Variants in SVEP1 observed in about 807,000 individuals in gnomAD.
SVEP1 encodes the protein sushi, von Willebrand factor type A, EGF and pentraxin domain-containing protein 1.
A neutral mutation model predicts 367.3 loss-of-function variants in SVEP1; 164 were observed. The ratio of observed to expected loss-of-function variants is 0.45; its 90% CI spans 0.39 to 0.51. The LOEUF (loss-of-function observed/expected upper bound fraction) is 0.51. Among genes scored for constraint, SVEP1 ranks in the 20% least tolerant of loss-of-function variants. The pLI, the probability that SVEP1 is intolerant of heterozygous loss-of-function variation, is 0.00. For missense variants in SVEP1, 4,117 were observed against 4,425.3 expected, an observed-to-expected ratio of 0.93 and a Z score of 1.98; for synonymous variants, 1,666 against 1,611.6, an observed-to-expected ratio of 1.03 and a Z score of -0.81.
At chr9:110,393,785 T>C (rs1047320565) in intron 40 of SVEP1, among the ~76,000 whole-genome samples, 3 of 152,144 alleles carry the variant, frequency 2.0e-5, no homozygotes, top group African/African-American at 7.2e-5. Context: ...GACATCAAAC[T>C]GCAAGGCAGC....
At chr9:110,544,623 T>C (rs1255557427) in intron 3 of SVEP1, among the ~76,000 whole-genome samples, 2 of 84,484 alleles carry the variant, frequency 2.4e-5, no homozygotes, top group African/African-American at 6.8e-5. Context: ...ATAAATCCCA[T>C]TCATTATTAT....
chr9:110,375,490 AGG>A (rs1158301105), intron 45 of SVEP1, 27 bp from the exon 46 acceptor site: 21 of 1,338,734 alleles, frequency 1.6e-5, no homozygotes, highest in African/African-American at 6.4e-5. Flanking sequence ...AAAAAAAAAA[AGG>A]AGGCAGGGGG....
intron 40 of SVEP1, among the ~76,000 whole-genome samples, chr9:110,394,832 C>G (rs998155766): frequency 3.9e-5 from 6 of 152,088 alleles, no homozygotes; most frequent in Non-Finnish European, 8.8e-5. Context: ...AACAAAGCCT[C>G]CAAGAAATAT....
intron 45 of SVEP1, 77 bp downstream of exon 45, chr9:110,377,186 ACAACCATT>A: frequency 8.0e-7 from 1 of 1,252,994 alleles, no homozygotes; most frequent in Non-Finnish European, 1.1e-6. Flanking sequence ...TCCCAACAGT[ACAACCATT>A]TCCTGGTAAC....
At chr9:110,406,027 G>A (rs1009444475) in intron 38 of SVEP1, 133 bp downstream of exon 38, 48 of 1,149,066 alleles carry the variant, frequency 4.2e-5, no homozygotes, top group Non-Finnish European at 5.5e-5. Context: ...AAAGCCAAGT[G>A]TTAAAAGCAC....
At chr9:110,428,399 AAC>A (rs113743775) in intron 35 of SVEP1, among the ~76,000 whole-genome samples, 41 of 120,176 alleles carry the variant, frequency 3.4e-4, no homozygotes, top group Middle Eastern at 4.4e-3. Flanking sequence ...CCTCTGTTTA[AAC>A]ACACACACAC....
intron 25 of SVEP1, among the ~76,000 whole-genome samples, chr9:110,446,329 T>C (rs377443632): frequency 6.6e-6 from 1 of 152,166 alleles, no homozygotes; most frequent in East Asian, 1.9e-4. Flanking sequence ...CAGGAGATAC[T>C]AAAGCATGTC....
intron 18 of SVEP1, among the ~76,000 whole-genome samples, chr9:110,462,568 TAC>T (rs1828873211): frequency 1.3e-5 from 2 of 150,276 alleles, no homozygotes; most frequent in Admixed American, 1.3e-4. Flanking sequence ...CATGTACATG[TAC>T]ACACACACAT....
In SVEP1 at chr9:110,408,759, C is replaced by T. The variant is rs749125952; in HGVS notation, c.6841G>A (p.Glu2281Lys). The stretch of plus-strand genomic sequence containing the variant: ...AAAAACTGAACCTTGGACCCTACTT[C>T]AAAGTTTTCTCCTTTCATGAAGCCA... ...QNGFMKGENF[E>K]VGSKVQFFCN... Residue 2281 changes from glutamate to lysine, a missense_variant, in exon 38 of 48, where the codon GAA (glutamate) becomes AAA (lysine). Around this residue, in one of 4 missense-constraint regions of SVEP1, gnomAD observed 1,765 missense variants for 1,781.1 expected, o/e 0.99. Transcript: ENST00000374469. 10 of 1,613,586 alleles carry T rather than the reference C, an allele frequency of 6.2e-6. No individual in the cohort carries two copies. The highest frequency in any genetic ancestry group is 7.6e-6 in the Non-Finnish European group (9 of 1,179,900).
chr9:110,430,879 T>C (rs952379728), intron 32 of SVEP1, among the ~76,000 whole-genome samples: 2 of 152,146 alleles, frequency 1.3e-5, no homozygotes, highest in Non-Finnish European at 1.5e-5. Flanking sequence ...CCTTCCCAAA[T>C]AGAGTATGGG....
chr9:110,528,156 GTATATATATATATA>G (rs59360366), intron 3 of SVEP1, among the ~76,000 whole-genome samples: 4 of 33,940 alleles, frequency 1.2e-4, no homozygotes, highest in African/African-American at 3.2e-4. Context: ...GTGTGTGTGT[GTATATATATATATA>G]TATATATATA....
intron 3 of SVEP1, among the ~76,000 whole-genome samples, chr9:110,528,131 CGT>C (rs35039778): frequency 0.033 from 2,176 of 65,314 alleles, 79 homozygotes; most frequent in African/African-American, 0.056. Context: ...TACATACACA[CGT>C]GTGTGTGTGT....
In SVEP1 at chr9:110,408,727, A is replaced by G; in HGVS notation, c.6873T>C (p.Asn2291=). The change falls in exon 38 of 48, where the codon AAT becomes AAC. Residue 2291 remains asparagine (N), a synonymous_variant. Coordinates refer to ENST00000374469, the MANE Select transcript of SVEP1 (RefSeq NM_153366.4). ...TGTCACCAACAAGCTCATAACCCTC[A>G]TTACAGAAAAACTGAACCTTGGACC... The part of the protein sequence containing the change: ...EVGSKVQFFC[N]EGYELVGDSS... 1 of 1,613,934 alleles carries G rather than the reference A, an allele frequency of 6.2e-7. No individual in the cohort carries two copies. The highest frequency in any genetic ancestry group is 2.2e-5 in the East Asian group (1 of 44,876).
chr9:110,472,047 C>G, intron 15 of SVEP1, 112 bp downstream of exon 15: 1 of 1,131,806 alleles, frequency 8.8e-7, no homozygotes, highest in Non-Finnish European at 1.3e-6. Flanking sequence ...CCCTAATTCT[C>G]AATTCCAGAG....
Position 110,387,453 on chromosome 9 carries a change from T to C in SVEP1, c.9892A>G (p.Arg3298Gly), listed in dbSNP as rs753017562. The change falls in exon 42 of 48, where the codon AGG becomes GGG. Residue 3298 changes from arginine to glycine, a missense_variant. Physicochemically the swap from Arg to Gly is moderately radical, Grantham distance 125. Coordinates refer to ENST00000374469, the MANE Select transcript of SVEP1 (RefSeq NM_153366.4). ...AGAAATTCAAGTGGAGTTTCACACCTGGTCTCTAAAAACAAGAATAAAAGC... is the reference window on the plus strand; with the variant it reads ...AGAAATTCAAGTGGAGTTTCACACCCGGTCTCTAAAAACAAGAATAAAAGC... Reference protein sequence around the residue: ...SGGVAICKETRCETPLEFLNG... With the variant: ...SGGVAICKETGCETPLEFLNG... 3 of 1,601,568 alleles carry C rather than the reference T, an allele frequency of 1.9e-6. No homozygotes were observed. Among genetic ancestry groups the C allele is most frequent in the Non-Finnish European group, 1.7e-6 (2 of 1,176,740 alleles).
chr9:110,383,507 G>A (rs1189857564), intron 43 of SVEP1, among the ~76,000 whole-genome samples: 2 of 150,880 alleles, frequency 1.3e-5, no homozygotes, highest in Non-Finnish European at 3.0e-5. Context: ...CCTTGTATAA[G>A]GTGTCTGGTG....
chr9:110,528,263 C>T lies in SVEP1; in HGVS notation c.965-14157G>A, dbSNP rs374044080. On this transcript the variant is annotated intron_variant, in intron 3 of 47. Coordinates refer to ENST00000374469, the MANE Select transcript of SVEP1 (RefSeq NM_153366.4). ...TGTATCTTTGCAATTGTGAATTGTG[C>T]TATGATAAACACACATGTTTATCTT... Among the ~76,000 whole-genome samples the T allele has an allele frequency of 1.2e-4, 18 of 147,504 alleles. No homozygotes were observed. The East Asian group carries it at 1.6e-3, about 13-fold the overall frequency.
intron 40 of SVEP1, 73 bp downstream of exon 40, chr9:110,400,781 T>G: frequency 6.8e-7 from 1 of 1,463,082 alleles, no homozygotes; most frequent in Non-Finnish European, 9.2e-7. Context: ...AACAAATTTG[T>G]GCTAATACTG....
intron 9 of SVEP1, among the ~76,000 whole-genome samples, chr9:110,489,186 A>G (rs760693296): frequency 1.3e-5 from 2 of 152,216 alleles, no homozygotes; most frequent in African/African-American, 2.4e-5. Flanking sequence ...TGGAAGAATC[A>G]GTGACAAGGG....
Sources: allele counts gnomAD v4.1 joint callset (sites outside exome capture counted in the v4.1 genomes callset), GRCh38; gene constraint gnomAD v4.1.1; regional missense constraint gnomAD v4.1.1; transcripts MANE v1.5; gene names NCBI Gene and HGNC (gene_info 2026-07-23, HGNC 2026-07-21).